The following SIRT5 variants were observed in gnomAD, a reference collection of about 807,000 sequenced individuals.
SIRT5 encodes NAD-dependent protein deacylase sirtuin-5, mitochondrial.
A neutral mutation model predicts 40.0 loss-of-function variants in SIRT5; 26 were observed. The ratio of observed to expected loss-of-function variants is 0.65; its 90% CI spans 0.48 to 0.90. The LOEUF (loss-of-function observed/expected upper bound fraction) is 0.90. Among genes scored for constraint, SIRT5 ranks in the 40% least tolerant of loss-of-function variants. SIRT5 has a pLI of 0.00. For synonymous variants in SIRT5, 146 were observed against 149.1 expected (o/e 0.98, Z 0.15); for missense variants, 401 against 402.4 (o/e 1.00, Z 0.03).
In SIRT5 at chr6:13,595,486, T is replaced by G. The variant is rs1761451222; in HGVS notation, c.485T>G (p.Phe162Cys). ...KNLLEIHGSL[F>C]KTRCTSCGVV... is the part of the protein sequence containing the mutation. Reference sequence around the variant, plus strand: ...CATATGTATTTTTCAGGTAGCTTATTTAAAACTCGATGTACCTCTTGTGGA... The same window carrying G: ...CATATGTATTTTTCAGGTAGCTTATGTAAAACTCGATGTACCTCTTGTGGA... The change falls in exon 6 of 10, where the codon TTT (phenylalanine) becomes TGT (cysteine). Residue 162 changes from phenylalanine (F) to cysteine (C), a missense_variant. Transcript: ENST00000606117. 1.1e-5 allele frequency: 18 copies of G among 1,613,812 alleles called. No individual in the cohort carries two copies. Among genetic ancestry groups the G allele is most frequent in the Non-Finnish European group, 1.4e-5 (17 of 1,179,812 alleles).
chr6:13,581,058 A>T (rs1396390317), intron 2 of SIRT5, among the ~76,000 whole-genome samples: 2 of 152,152 alleles, frequency 1.3e-5, no homozygotes, highest in Non-Finnish European at 1.5e-5. Context: ...TATACCATTT[A>T]CCCAATTTCC....
chr6:13,600,631 A>C (rs1187684797), intron 8 of SIRT5, among the ~76,000 whole-genome samples: 2 of 152,174 alleles, frequency 1.3e-5, no homozygotes, highest in Non-Finnish European at 2.9e-5. Flanking sequence ...CATGTCACAT[A>C]TTCTTCTCGA....
At chr6:13,609,157 A>G (rs1329303418) in intron 9 of SIRT5, among the ~76,000 whole-genome samples, 1 of 152,226 alleles carries the variant, frequency 6.6e-6, no homozygotes, top group Non-Finnish European at 1.5e-5. Flanking sequence ...TGGGGCATAA[A>G]CTTTTAATTG....
In SIRT5 at chr6:13,613,579, C is replaced by G. The variant is rs1467003802; in HGVS notation, c.*1714C>G. 6.6e-6 allele frequency: 1 copy of G among 152,248 alleles called. No individual in the cohort carries two copies. Among genetic ancestry groups the G allele is most frequent in the Non-Finnish European group, 1.5e-5 (1 of 68,058 alleles). The allele number at this position is 152,248 out of a possible 1,614,324, so 9.4% of individuals were successfully genotyped here. On this transcript the variant is annotated 3_prime_UTR_variant, in exon 10 of 10. Coordinates refer to ENST00000606117, the MANE Select transcript of SIRT5 (RefSeq NM_012241.5). ...AGACACTATCATATAAAACTTTGTA[C>G]TGCATTGCAAGGCATAACCTTTAAT...
In SIRT5 at chr6:13,607,913, C is replaced by T. The variant is rs1763332560; in HGVS notation, c.858-3877C>T. Among the ~76,000 whole-genome samples the T allele has an allele frequency of 6.6e-6, 1 of 152,052 alleles. No individual in the cohort carries two copies. The highest frequency in any genetic ancestry group is 1.5e-5 in the Non-Finnish European group (1 of 68,014). ...GGACTACAGGCGTGCGCCACCACACCCAGCTAATTTTTTGTATTTTTTTTT... is the reference window on the plus strand; with the variant it reads ...GGACTACAGGCGTGCGCCACCACACTCAGCTAATTTTTTGTATTTTTTTTT... On this transcript the variant is annotated intron_variant, in intron 9 of 9. Coordinates refer to ENST00000606117, the MANE Select transcript of SIRT5 (RefSeq NM_012241.5). The surrounding 1 kb of genome is among the most constrained non-coding windows in gnomAD (Gnocchi z 4.0).
At chr6:13,579,805 G>C (rs142032051) in intron 2 of SIRT5, among the ~76,000 whole-genome samples, 196 bp downstream of exon 2, 2 of 152,082 alleles carry the variant, frequency 1.3e-5, no homozygotes, top group South Asian at 2.1e-4. Context: ...AGAATATAAG[G>C]GTTCCCCATA....
chr6:13,594,360 A>G (rs1237474996), intron 5 of SIRT5, among the ~76,000 whole-genome samples: 7 of 152,196 alleles, frequency 4.6e-5, no homozygotes, highest in Admixed American at 4.6e-4. Flanking sequence ...TTGGCTCACA[A>G]AACTGAGGAG....
intron 2 of SIRT5, among the ~76,000 whole-genome samples, chr6:13,580,353 G>T (rs2804913): frequency 6.6e-6 from 1 of 151,920 alleles, no homozygotes; most frequent in East Asian, 1.9e-4. Context: ...TAAAATTCAC[G>T]CTTTTTATTA....
At chr6:13,598,646 G>A (rs1450656541) in intron 7 of SIRT5, among the ~76,000 whole-genome samples, 1 of 152,016 alleles carries the variant, frequency 6.6e-6, no homozygotes, top group East Asian at 1.9e-4. Context: ...CCCGGCGAAT[G>A]TGGTGAAACA....
chr6:13,610,762 G>T (rs1763727862), intron 9 of SIRT5, among the ~76,000 whole-genome samples: 2 of 152,170 alleles, frequency 1.3e-5, no homozygotes, highest in Non-Finnish European at 2.9e-5. Context: ...CGTGGCAGGG[G>T]GCAGACGGAC....
At chr6:13,586,817 A>G (rs1169348286) in intron 3 of SIRT5, among the ~76,000 whole-genome samples, 1 of 152,170 alleles carries the variant, frequency 6.6e-6, no homozygotes, top group Non-Finnish European at 1.5e-5. Flanking sequence ...ATCCCTGCTT[A>G]GAGGGAGTCA....
rs964275751 is a variant in SIRT5, at chr6:13,583,979, C to A, written c.-35-97C>A. On this transcript the variant is annotated intron_variant, in intron 2 of 9. Transcript: ENST00000606117. ...ATAATATAATATACATGATGCGTTTCTGTAATATATAAAATATAAATATTT... is the reference window on the plus strand; with the variant it reads ...ATAATATAATATACATGATGCGTTTATGTAATATATAAAATATAAATATTT... 26 of 507,348 alleles carry A rather than the reference C, an allele frequency of 5.1e-5. No individual in the cohort carries two copies. The Admixed American group carries it at 8.5e-4, about 17-fold the overall frequency. 31.4% of individuals were successfully genotyped at this position (507,348 alleles called of 1,614,324 possible). A position where few individuals can be genotyped will look rare whatever the true frequency, so the allele number is the denominator to read the frequency against.
intron 7 of SIRT5, 33 bp from the exon 8 acceptor site, chr6:13,598,999 C>T (rs571725589): frequency 6.2e-7 from 1 of 1,610,498 alleles, no homozygotes; most frequent in Admixed American, 1.7e-5. Flanking sequence ...GCAGACTTGG[C>T]TCGGGGTTGG....
At chr6:13,586,259 T>C (rs577523382) in intron 3 of SIRT5, among the ~76,000 whole-genome samples, 1 of 152,334 alleles carries the variant, frequency 6.6e-6, no homozygotes, top group East Asian at 1.9e-4. Context: ...TAGATCCCAT[T>C]TGTCTATTTT....
chr6:13,603,575 T>C (rs944504745), intron 9 of SIRT5, among the ~76,000 whole-genome samples: 2 of 152,034 alleles, frequency 1.3e-5, no homozygotes, highest in Admixed American at 6.6e-5. Flanking sequence ...AAATCACAAG[T>C]GTTGGTGAGG....
intron 7 of SIRT5, among the ~76,000 whole-genome samples, chr6:13,598,752 G>A (rs908452666): frequency 8.6e-5 from 13 of 151,422 alleles, no homozygotes; most frequent in Non-Finnish European, 1.5e-5. Context: ...CTTGAACCTG[G>A]GAGGCAGAGG....
chr6:13,610,866 A>G (rs1455461611), intron 9 of SIRT5, among the ~76,000 whole-genome samples: 1 of 152,218 alleles, frequency 6.6e-6, no homozygotes, highest in Non-Finnish European at 1.5e-5. Context: ...TTTGTATTGT[A>G]TCAAGAATAA....
chr6:13,606,962 G>A (rs971930673), intron 9 of SIRT5, among the ~76,000 whole-genome samples: 3 of 151,378 alleles, frequency 2.0e-5, no homozygotes, highest in East Asian at 1.9e-4. Context: ...GATTACAGGC[G>A]TGAGCCAACA....
chr6:13,609,303 G>A (rs1763538574), intron 9 of SIRT5, among the ~76,000 whole-genome samples: 1 of 152,168 alleles, frequency 6.6e-6, no homozygotes, highest in Non-Finnish European at 1.5e-5. Context: ...AATGCAATGA[G>A]GGAGACCGGA....
Sources: gnomAD v4.1 joint callset for allele counts (sites outside exome capture counted in the v4.1 genomes callset) on GRCh38, gnomAD v4.1.1 for gene constraint, Gnocchi (gnomAD v3.1) non-coding constraint, MANE v1.5 for transcripts, NCBI Gene and HGNC (gene_info 2026-07-23, HGNC 2026-07-21) for gene names.